The following PAPPA2 variants were observed in gnomAD, a reference collection of about 807,000 sequenced individuals.
The protein encoded by PAPPA2 is pappalysin 2.
In PAPPA2, 86 loss-of-function variants were observed where a neutral mutation model predicts 176.4. That is an observed-to-expected ratio of 0.49 (90% CI 0.41 to 0.58). PAPPA2 has a LOEUF of 0.58. PAPPA2 is among the 20% of genes least tolerant of loss of function. The pLI is 0.00. For missense variants in PAPPA2, 2,073 were observed against 2,256.9 expected (o/e 0.92, Z 1.65); for synonymous variants, 809 against 852.2 (o/e 0.95, Z 0.88).
intron 3 of PAPPA2, among the ~76,000 whole-genome samples, chr1:176,664,357 G>A (rs1658511024): frequency 6.6e-6 from 1 of 152,138 alleles, no homozygotes; most frequent in South Asian, 2.1e-4. Flanking sequence ...TGAATTCCTT[G>A]GCTTTGGGCC....
At position 176,550,700 on chromosome 1, in the gene PAPPA2, T is replaced by C. The variant is rs530275208; in HGVS notation, c.-916-4707T>C. On this transcript the variant is annotated intron_variant, in intron 1 of 22. Transcript: ENST00000367662. ...TAACACTGCTAATAATTTATAATGGTAATTGTATTCTGGAAAAAAAATGAA... is the reference window on the plus strand; with the variant it reads ...TAACACTGCTAATAATTTATAATGGCAATTGTATTCTGGAAAAAAAATGAA... Among the ~76,000 whole-genome samples the C allele has an allele frequency of 5.9e-5, 9 of 152,320 alleles. No individual in the cohort carries two copies. In the East Asian group the frequency reaches 1.7e-3, roughly 29 times the overall value.
chr1:176,736,334 CTA>C (rs1380154112), intron 12 of PAPPA2, among the ~76,000 whole-genome samples: 1 of 151,110 alleles, frequency 6.6e-6, no homozygotes, highest in Non-Finnish European at 1.5e-5. Context: ...AGTCTGGACT[CTA>C]TATATATATA....
At chr1:176,473,433 G>A (rs1027985412) in intron 1 of PAPPA2, among the ~76,000 whole-genome samples, 1 of 152,044 alleles carries the variant, frequency 6.6e-6, no homozygotes, top group Non-Finnish European at 1.5e-5. Context: ...TTCACTTACT[G>A]AGAGATATCT....
intron 1 of PAPPA2, among the ~76,000 whole-genome samples, chr1:176,508,661 T>A (rs1396472519): frequency 1.3e-5 from 2 of 152,138 alleles, no homozygotes; most frequent in Non-Finnish European, 2.9e-5. Flanking sequence ...AAGTCTCATA[T>A]CAAATTGTCA....
intron 21 of PAPPA2, among the ~76,000 whole-genome samples, chr1:176,839,522 G>A (rs1347309827): frequency 6.6e-6 from 1 of 152,096 alleles, no homozygotes; most frequent in Non-Finnish European, 1.5e-5. Flanking sequence ...GGGAATATTT[G>A]TGTTACAGCA....
intron 3 of PAPPA2, among the ~76,000 whole-genome samples, chr1:176,623,576 C>CTCCTTCCTTCCTTCCT (rs200667738): frequency 4.4e-4 from 37 of 84,968 alleles, no homozygotes; most frequent in African/African-American, 2.3e-3. Context: ...CCTTCCTTCC[C>CTCCTTCCTTCCTTCCT]TCCTTCCTTC....
At chr1:176,557,963 G>A (rs1250511260) in intron 2 of PAPPA2, among the ~76,000 whole-genome samples, 1 of 152,172 alleles carries the variant, frequency 6.6e-6, no homozygotes, top group East Asian at 1.9e-4. Flanking sequence ...AGGAGCACTG[G>A]TCTGGGAACA....
chr1:176,661,507 A>G (rs1658359983), intron 3 of PAPPA2, among the ~76,000 whole-genome samples: 1 of 150,572 alleles, frequency 6.6e-6, no homozygotes, highest in South Asian at 2.1e-4. Context: ...TCAAGAAACC[A>G]CTGATGCCAT....
chr1:176,633,590 G>A (rs1385213292), intron 3 of PAPPA2, among the ~76,000 whole-genome samples: 1 of 152,140 alleles, frequency 6.6e-6, no homozygotes, highest in African/African-American at 2.4e-5. Context: ...TTTGACAGAT[G>A]AAGAAACTAA....
chr1:176,735,241 A>G (rs1662343037), intron 12 of PAPPA2, among the ~76,000 whole-genome samples: 1 of 152,148 alleles, frequency 6.6e-6, no homozygotes, highest in African/African-American at 2.4e-5. Flanking sequence ...GAAGTGCTAT[A>G]CAAAAAGAAG....
At chr1:176,731,665 G>T (rs927812231) in intron 12 of PAPPA2, among the ~76,000 whole-genome samples, 2 of 150,876 alleles carry the variant, frequency 1.3e-5, no homozygotes, top group African/African-American at 4.9e-5. Context: ...ATGTGTGTGT[G>T]TACATATATG....
At chr1:176,776,016 A>G (rs1274112144) in intron 17 of PAPPA2, among the ~76,000 whole-genome samples, 1 of 152,162 alleles carries the variant, frequency 6.6e-6, no homozygotes, top group African/African-American at 2.4e-5. Context: ...ATTGTATAAT[A>G]GGCACAAACT....
At chr1:176,565,109 C>T (rs1281577988) in intron 2 of PAPPA2, among the ~76,000 whole-genome samples, 1 of 152,146 alleles carries the variant, frequency 6.6e-6, no homozygotes, top group African/African-American at 2.4e-5. Context: ...TGTATTGGCA[C>T]TTCATTCCTT....
At chr1:176,552,910 G>A (rs1459055714) in intron 1 of PAPPA2, among the ~76,000 whole-genome samples, 5 of 152,198 alleles carry the variant, frequency 3.3e-5, no homozygotes, top group East Asian at 1.9e-4. Context: ...GTGCACTTGC[G>A]GAGTGGCAGA....
intron 21 of PAPPA2, among the ~76,000 whole-genome samples, chr1:176,823,560 CACTT>C (rs1344077372): frequency 1.3e-5 from 2 of 152,182 alleles, no homozygotes; most frequent in African/African-American, 2.4e-5. Context: ...TTACTTTTCT[CACTT>C]ACATTAAGTC....
At chr1:176,579,111 G>T (rs1398486385) in intron 2 of PAPPA2, among the ~76,000 whole-genome samples, 1 of 152,170 alleles carries the variant, frequency 6.6e-6, no homozygotes, top group African/African-American at 2.4e-5. Flanking sequence ...ACAGACAGAA[G>T]GTTCCATAGG....
At chr1:176,709,550 A>G (rs1311269505) in intron 10 of PAPPA2, among the ~76,000 whole-genome samples, 4 of 152,222 alleles carry the variant, frequency 2.6e-5, no homozygotes, top group Non-Finnish European at 5.9e-5. Flanking sequence ...TAATATTTCA[A>G]AAACTATGAA....
At chr1:176,500,701 C>T (rs1488319871) in intron 1 of PAPPA2, among the ~76,000 whole-genome samples, 1 of 151,774 alleles carries the variant, frequency 6.6e-6, no homozygotes, top group African/African-American at 2.4e-5. Context: ...ATTCTGCAGT[C>T]GTGCAATAAG....
intron 3 of PAPPA2, among the ~76,000 whole-genome samples, chr1:176,655,879 C>T (rs1036617406): frequency 1.3e-5 from 2 of 151,736 alleles, no homozygotes; most frequent in Admixed American, 6.6e-5. Context: ...AGAGTTTATC[C>T]TCTTTTCTCT....
Sources: gnomAD v4.1 joint callset for allele counts (sites outside exome capture counted in the v4.1 genomes callset) on GRCh38, gnomAD v4.1.1 for gene constraint, MANE v1.5 for transcripts, NCBI Gene and HGNC (gene_info 2026-07-23, HGNC 2026-07-21) for gene names.